Variants in ATG7 observed in about 807,000 individuals in gnomAD.
The protein encoded by ATG7 is ubiquitin-like modifier-activating enzyme ATG7.
In ATG7, 70 loss-of-function variants were observed where a neutral mutation model predicts 82.4. That is an observed-to-expected ratio of 0.85 (90% CI 0.70 to 1.04). The LOEUF (loss-of-function observed/expected upper bound fraction) is 1.04. Ranked by LOEUF, ATG7 falls within the 50% of genes least tolerant of loss-of-function variation. The pLI is 0.00. For missense variants in ATG7, 792 were observed against 864.3 expected, an observed-to-expected ratio of 0.92 and a Z score of 1.05; for synonymous variants, 287 against 313.0, an observed-to-expected ratio of 0.92 and a Z score of 0.88.
intron 5 of ATG7, 24 bp downstream of exon 5, chr3:11,299,440 CTGAAGTAAAGAATACTACTTTT>C (rs1219024342): frequency 6.3e-7 from 1 of 1,592,102 alleles, no homozygotes; most frequent in East Asian, 2.2e-5. Flanking sequence ...TGTTCAAAAT[CTGAAGTAAAGAATACTACTTTT>C]GGCAAGGAAT....
intron 20 of ATG7, among the ~76,000 whole-genome samples, chr3:11,527,377 G>C (rs1170534015): frequency 6.6e-6 from 1 of 152,118 alleles, no homozygotes; most frequent in East Asian, 1.9e-4. Flanking sequence ...GGGATTACAG[G>C]CATGAGCCAC....
At chr3:11,494,650 G>C (rs1392832782) in intron 20 of ATG7, among the ~76,000 whole-genome samples, 3 of 152,198 alleles carry the variant, frequency 2.0e-5, no homozygotes, top group Non-Finnish European at 4.4e-5. Flanking sequence ...GAGCAGAGCA[G>C]AATAGATCAT....
chr3:11,493,650 A>G lies in ATG7; in HGVS notation c.2080-61161A>G, dbSNP rs540814398. 1.8e-3 allele frequency among the ~76,000 whole-genome samples: 274 copies of G among 152,344 alleles called. 1 individual carries two copies. The highest frequency in any genetic ancestry group is 3.0e-3 in the Non-Finnish European group (201 of 68,032). The stretch of plus-strand genomic sequence containing the variant: ...ATCAGGATCAGAGAGATCAGGACAG[A>G]TAAGAGTCTAAGCCTAACCAGGTAA... On this transcript the variant is annotated intron_variant, in intron 20 of 20. Coordinates refer to ENST00000693202, the MANE Select transcript of ATG7 (RefSeq NM_001349232.2).
intron 18 of ATG7, among the ~76,000 whole-genome samples, chr3:11,373,134 G>T (rs768903601): frequency 6.6e-6 from 1 of 150,912 alleles, no homozygotes; most frequent in Non-Finnish European, 1.5e-5. Flanking sequence ...AGGAGAACAA[G>T]AGTTGAGAGT....
At chr3:11,388,164 C>T (rs1407657055) in intron 19 of ATG7, among the ~76,000 whole-genome samples, 1 of 152,082 alleles carries the variant, frequency 6.6e-6, no homozygotes, top group Non-Finnish European at 1.5e-5. Flanking sequence ...TGGGAACTGA[C>T]CATCTACCTC....
intron 9 of ATG7, among the ~76,000 whole-genome samples, chr3:11,320,461 T>C (rs1001599942): frequency 3.9e-5 from 6 of 152,234 alleles, no homozygotes; most frequent in African/African-American, 1.4e-4. Flanking sequence ...CTAATTTTTT[T>C]ATCTTTAGTA....
At chr3:11,357,226 TTG>T (rs2075992706) in intron 14 of ATG7, among the ~76,000 whole-genome samples, 1 of 152,168 alleles carries the variant, frequency 6.6e-6, no homozygotes, top group African/African-American at 2.4e-5. Flanking sequence ...AACACATTTT[TTG>T]TGGAAAGTCA....
chr3:11,365,074 T>C (rs1413389638), intron 18 of ATG7, among the ~76,000 whole-genome samples: 1 of 152,236 alleles, frequency 6.6e-6, no homozygotes, highest in Non-Finnish European at 1.5e-5. Context: ...TGGCCTTCTT[T>C]GGCCAAGTCA....
intron 19 of ATG7, among the ~76,000 whole-genome samples, chr3:11,418,044 C>T (rs1434319228): frequency 6.6e-6 from 1 of 151,372 alleles, no homozygotes; most frequent in African/African-American, 2.4e-5. Context: ...ATCTCCTAAC[C>T]TCGTTATCCA....
chr3:11,457,717 G>GT (rs1038367127), intron 20 of ATG7, among the ~76,000 whole-genome samples: 5 of 152,176 alleles, frequency 3.3e-5, no homozygotes, highest in African/African-American at 1.2e-4. Flanking sequence ...GCTTATGGGT[G>GT]TTTGGAGGGT....
At chr3:11,370,998 A>G (rs1479128607) in intron 18 of ATG7, among the ~76,000 whole-genome samples, 5 of 151,140 alleles carry the variant, frequency 3.3e-5, no homozygotes, top group Non-Finnish European at 7.4e-5. Context: ...TGGGCAAGCC[A>G]TGTCACTTTC....
chr3:11,552,304 T>C (rs2071878236), intron 20 of ATG7, among the ~76,000 whole-genome samples: 2 of 152,344 alleles, frequency 1.3e-5, no homozygotes, highest in South Asian at 2.1e-4. Context: ...TGGTACCAAT[T>C]TATACTTCTC....
At chr3:11,409,052 T>C (rs1333581840) in intron 19 of ATG7, among the ~76,000 whole-genome samples, 1 of 152,240 alleles carries the variant, frequency 6.6e-6, no homozygotes, top group Non-Finnish European at 1.5e-5. Flanking sequence ...ATAATAGTCC[T>C]TTATTAAATG....
intron 15 of ATG7, among the ~76,000 whole-genome samples, chr3:11,360,263 C>A (rs1274727432): frequency 6.6e-6 from 1 of 152,178 alleles, no homozygotes; most frequent in East Asian, 1.9e-4. Flanking sequence ...CCAGGCTGGT[C>A]TCGAACTCCT....
intron 19 of ATG7, among the ~76,000 whole-genome samples, chr3:11,421,126 G>C (rs2081909055): frequency 1.3e-5 from 2 of 152,090 alleles, no homozygotes; most frequent in South Asian, 4.1e-4. Context: ...CTTTTTGCTG[G>C]TGGAGGTTCT....
intron 20 of ATG7, among the ~76,000 whole-genome samples, chr3:11,486,025 G>A (rs1264374267): frequency 6.6e-6 from 1 of 152,136 alleles, no homozygotes; most frequent in African/African-American, 2.4e-5. Context: ...GGTGATGCGG[G>A]CTCTTTTTTG....
At chr3:11,573,241 AAT>A in the ATG7 span, among the ~76,000 whole-genome samples, 45,928 of 115,680 alleles carry the variant, frequency 0.4, 12,443 homozygotes, top group African/African-American at 0.61. Flanking sequence ...AAAGAAAAGA[AAT>A]AGAGAAAGAA....
chr3:11,507,437 C>A lies in ATG7; in HGVS notation c.2080-47374C>A, dbSNP rs530156011. Among the ~76,000 whole-genome samples the A allele has an allele frequency of 1.2e-4, 18 of 152,128 alleles. No homozygotes were observed. In the South Asian group the frequency reaches 3.5e-3, roughly 30 times the overall value. ...CTTTATTAATACATCAAATAATGAT[C>A]TAGTGTCAATTCTAAAGGCTATTTT... On this transcript the variant is annotated intron_variant, in intron 20 of 20. Coordinates refer to ENST00000693202, the MANE Select transcript of ATG7 (RefSeq NM_001349232.2).
rs141452229 is a variant in ATG7, at chr3:11,299,160, G to A, written c.161-202G>A. On this transcript the variant is annotated intron_variant, in intron 4 of 20. Transcript: ENST00000693202. Reference sequence around the variant, plus strand: ...ATTGAATCTTTTTTATATTCTTGGCGAATGTCTCATATTCACAAGAGCTCT... The same window carrying A: ...ATTGAATCTTTTTTATATTCTTGGCAAATGTCTCATATTCACAAGAGCTCT... The A allele has an allele frequency of 9.5e-5, 57 of 601,408 alleles. No homozygotes were observed. The East Asian group carries it at 1.4e-3, about 14-fold the overall frequency. 37.3% of individuals were successfully genotyped at this position (601,408 alleles called of 1,614,324 possible).
Sources: gnomAD v4.1 joint callset for allele counts (sites outside exome capture counted in the v4.1 genomes callset) on GRCh38, gnomAD v4.1.1 for gene constraint, MANE v1.5 for transcripts, NCBI Gene and HGNC (gene_info 2026-07-23, HGNC 2026-07-21) for gene names.